The following EFNA5 variants were observed in gnomAD, a reference collection of about 807,000 sequenced individuals.
EFNA5 encodes the protein ephrin A5, also known as ephrin-A5.
In EFNA5, 5 loss-of-function variants were observed where a neutral mutation model predicts 22.9. That is an observed-to-expected ratio of 0.22 (90% CI 0.11 to 0.46). EFNA5 has a LOEUF of 0.46. EFNA5 is among the 20% of genes least tolerant of loss of function. The pLI is 0.99. For missense variants in EFNA5, 237 were observed against 293.3 expected (o/e 0.81, Z 1.40); for synonymous variants, 113 against 112.2 (o/e 1.01, Z -0.04).
intron 2 of EFNA5, among the ~76,000 whole-genome samples, chr5:107,394,116 T>C (rs1013272526): frequency 6.6e-6 from 1 of 152,236 alleles, no homozygotes; most frequent in African/African-American, 2.4e-5. Flanking sequence ...TCATGTGTTA[T>C]GATGAAATAC....
chr5:107,534,936 G>T (rs1046772167), intron 1 of EFNA5, among the ~76,000 whole-genome samples: 43 of 152,274 alleles, frequency 2.8e-4, no homozygotes, highest in Non-Finnish European at 5.7e-4. Flanking sequence ...AAAGCATAAT[G>T]AAAGTTTGCC....
chr5:107,651,536 C>G (rs1750729785), intron 1 of EFNA5, among the ~76,000 whole-genome samples: 1 of 152,040 alleles, frequency 6.6e-6, no homozygotes, highest in South Asian at 2.1e-4. Flanking sequence ...TCTCAAGAAG[C>G]CTGGGAACAG....
chr5:107,656,389 CCT>C (rs1441120606), intron 1 of EFNA5, among the ~76,000 whole-genome samples: 5 of 152,038 alleles, frequency 3.3e-5, no homozygotes, highest in African/African-American at 1.2e-4. Flanking sequence ...AATGTAAATT[CCT>C]TTAAATAAAA....
intron 2 of EFNA5, among the ~76,000 whole-genome samples, chr5:107,402,094 T>C (rs1269792423): frequency 6.6e-6 from 1 of 152,210 alleles, no homozygotes; most frequent in Admixed American, 6.5e-5. Flanking sequence ...AATACATGGT[T>C]TCACCGACAG....
chr5:107,620,725 G>A (rs1009752367), intron 1 of EFNA5, among the ~76,000 whole-genome samples: 1 of 152,102 alleles, frequency 6.6e-6, no homozygotes, highest in Non-Finnish European at 1.5e-5. Context: ...AAATAGGATG[G>A]GGTAAAATAG....
At chr5:107,566,173 C>T (rs1748663521) in intron 1 of EFNA5, among the ~76,000 whole-genome samples, 2 of 152,194 alleles carry the variant, frequency 1.3e-5, no homozygotes, top group South Asian at 4.1e-4. Context: ...TAAGTGATGG[C>T]ACGCAGGACC....
chr5:107,643,605 C>T (rs1351222402), intron 1 of EFNA5, among the ~76,000 whole-genome samples: 3 of 151,690 alleles, frequency 2.0e-5, no homozygotes, highest in Admixed American at 6.6e-5. Context: ...TATTAAAACC[C>T]CGAAGGGAAG....
chr5:107,489,668 C>CCA (rs1554062616), intron 1 of EFNA5, among the ~76,000 whole-genome samples: 17 of 151,002 alleles, frequency 1.1e-4, no homozygotes, highest in Non-Finnish European at 1.9e-4. Context: ...CTACCCCCCC[C>CCA]ACCAAGATCT....
chr5:107,546,711 A>AT (rs35429880), intron 1 of EFNA5, among the ~76,000 whole-genome samples: 34 of 150,418 alleles, frequency 2.3e-4, no homozygotes, highest in African/African-American at 8.3e-4. Flanking sequence ...GTAGGAAAGA[A>AT]TTTTTTTTTT....
chr5:107,517,955 A>T (rs1278340721), intron 1 of EFNA5, among the ~76,000 whole-genome samples: 1 of 152,180 alleles, frequency 6.6e-6, no homozygotes, highest in Non-Finnish European at 1.5e-5. Context: ...TTCTTATGCA[A>T]TGAAGTGTAC....
intron 1 of EFNA5, among the ~76,000 whole-genome samples, chr5:107,587,399 C>T (rs985490870): frequency 6.6e-5 from 10 of 152,110 alleles, no homozygotes; most frequent in African/African-American, 1.4e-4. Context: ...GCAAGAAATA[C>T]GTACAGTTTT....
intron 1 of EFNA5, among the ~76,000 whole-genome samples, chr5:107,518,836 T>C (rs1265429415): frequency 6.6e-6 from 1 of 152,180 alleles, no homozygotes; most frequent in African/African-American, 2.4e-5. Flanking sequence ...CTTTATCTTT[T>C]TGTTCTACTT....
chr5:107,381,092 A>G lies in EFNA5; in HGVS notation c.*163T>C, dbSNP rs1400448353. On this transcript the variant is annotated 3_prime_UTR_variant, in exon 5 of 5. Transcript: ENST00000333274. Reference sequence around the variant, plus strand: ...AGGCAGGAACAAGTTTAGGCCCCCAACCTGAAGTTGTTGCTTAGAATTCAG... The same window carrying G: ...AGGCAGGAACAAGTTTAGGCCCCCAGCCTGAAGTTGTTGCTTAGAATTCAG... The G allele has an allele frequency of 9.2e-7, 1 of 1,082,102 alleles. No homozygotes were observed. The highest frequency in any genetic ancestry group is 2.5e-5 in the East Asian group (1 of 39,596). 67.0% of individuals were successfully genotyped at this position (1,082,102 alleles called of 1,614,324 possible).
intron 2 of EFNA5, among the ~76,000 whole-genome samples, chr5:107,416,313 AATCT>A (rs2112408248): frequency 6.6e-6 from 1 of 152,264 alleles, no homozygotes; most frequent in African/African-American, 2.4e-5. Flanking sequence ...TGATGCTTGA[AATCT>A]GTCTACTTTT....
intron 2 of EFNA5, among the ~76,000 whole-genome samples, chr5:107,411,173 G>A (rs562856707): frequency 1.6e-4 from 25 of 152,210 alleles, no homozygotes; most frequent in African/African-American, 5.5e-4. Context: ...TGCCCCTGTT[G>A]CACTTAAAGG....
At chr5:107,642,777 T>C (rs148190878) in intron 1 of EFNA5, among the ~76,000 whole-genome samples, 1 of 152,256 alleles carries the variant, frequency 6.6e-6, no homozygotes, top group African/African-American at 2.4e-5. Context: ...GGAAGCTCCT[T>C]GGCACTAGGA....
intron 1 of EFNA5, among the ~76,000 whole-genome samples, chr5:107,612,090 G>T (rs1258495963): frequency 6.6e-6 from 1 of 152,062 alleles, no homozygotes; most frequent in Admixed American, 6.6e-5. Context: ...GTTAACAAAG[G>T]ATTTGAACAT....
At chr5:107,420,713 A>G (rs1230246615) in intron 2 of EFNA5, among the ~76,000 whole-genome samples, 2 of 152,136 alleles carry the variant, frequency 1.3e-5, no homozygotes, top group Non-Finnish European at 2.9e-5. Flanking sequence ...TTTTCTAAAA[A>G]ACAAAATTAG....
In EFNA5 at chr5:107,653,062, G is replaced by A. The variant is rs1002060939; in HGVS notation, c.125+17427C>T. 7.2e-5 allele frequency among the ~76,000 whole-genome samples: 11 copies of A among 152,132 alleles called. 1 individual carries two copies. The highest frequency in any genetic ancestry group is 3.3e-4 in the Admixed American group (5 of 15,270). On this transcript the variant is annotated intron_variant, in intron 1 of 4. Transcript: ENST00000333274. ...CCGACATGACAGCTGAAAGAGGGAA[G>A]GCTGACAGAGGCATCAGAACAGGTA...
Sources: allele counts gnomAD v4.1 joint callset (sites outside exome capture counted in the v4.1 genomes callset), GRCh38; gene constraint gnomAD v4.1.1; transcripts MANE v1.5; gene names NCBI Gene and HGNC (gene_info 2026-07-23, HGNC 2026-07-21).